Variants in MC2R observed in about 807,000 individuals in gnomAD.
The protein encoded by MC2R is melanocortin 2 receptor.
In MC2R, 9 loss-of-function variants were observed where a neutral mutation model predicts 9.8. That is an observed-to-expected ratio of 0.92 (90% CI 0.55 to 1.60). The LOEUF (loss-of-function observed/expected upper bound fraction) is 1.60. Ranked by LOEUF, MC2R falls within the 40% of genes most tolerant of loss-of-function variation. The pLI, the probability that MC2R is intolerant of heterozygous loss-of-function variation, is 0.00. For synonymous variants in MC2R, 185 were observed against 154.7 expected (o/e 1.20, Z -1.45); for missense variants, 370 against 389.0 (o/e 0.95, Z 0.41).
chr18:13,885,871 A>T (rs1033257868), intron 1 of MC2R, among the ~76,000 whole-genome samples: 4 of 152,270 alleles, frequency 2.6e-5, no homozygotes, highest in Non-Finnish European at 4.4e-5. Flanking sequence ...AATGTGGTAC[A>T]TATACACAAT....
chr18:13,893,825 G>T (rs1454529915), intron 1 of MC2R, among the ~76,000 whole-genome samples: 1 of 152,220 alleles, frequency 6.6e-6, no homozygotes, highest in East Asian at 1.9e-4. Context: ...GGCTGAGTCT[G>T]CAGATATTCA....
At position 13,883,604 on chromosome 18, in the gene MC2R, C is replaced by T. The variant is rs1468826499; in HGVS notation, c.*1021G>A. 9.8e-6 allele frequency: 1 copy of T among 102,442 alleles called. No individual in the cohort carries two copies. Among genetic ancestry groups the T allele is most frequent in the Non-Finnish European group, 2.0e-5 (1 of 51,150 alleles). The allele number at this position is 102,442 out of a possible 1,614,324, so 6.3% of individuals were successfully genotyped here. On this transcript the variant is annotated 3_prime_UTR_variant, in exon 2 of 2. Transcript: ENST00000327606. ...ACACACACACACACACACACACACA[C>T]ACACACACACACACACACACACACT...
At chr18:13,895,680 G>A (rs2045341835) in intron 1 of MC2R, among the ~76,000 whole-genome samples, 1 of 152,234 alleles carries the variant, frequency 6.6e-6, no homozygotes, top group South Asian at 2.1e-4. Flanking sequence ...TCTACCTCCA[G>A]GAAGGGTGGG....
Position 13,909,228 on chromosome 18 carries a change from A to G in MC2R, c.-129+6260T>C, listed in dbSNP as rs533377271. ...GCCACAATTGTGTGACATTTTTCTC[A>G]TGATTAGACTGGGGTTATGGACCTT... On this transcript the variant is annotated intron_variant, in intron 1 of 1. Transcript: ENST00000327606. Among the ~76,000 whole-genome samples the G allele has an allele frequency of 1.4e-4, 22 of 152,312 alleles. No homozygotes were observed. The South Asian group carries it at 4.4e-3, about 30-fold the overall frequency.
At chr18:13,907,658 G>A (rs1421762716) in intron 1 of MC2R, among the ~76,000 whole-genome samples, 1 of 152,132 alleles carries the variant, frequency 6.6e-6, no homozygotes, top group Non-Finnish European at 1.5e-5. Context: ...TACATAAGGA[G>A]CTCAAACAAC....
At chr18:13,911,119 C>T (rs754515) in intron 1 of MC2R, among the ~76,000 whole-genome samples, 2 of 152,122 alleles carry the variant, frequency 1.3e-5, no homozygotes, top group Non-Finnish European at 2.9e-5. Context: ...CCCAGAGCTG[C>T]GGTGATTGCT....
At chr18:13,907,897 G>A (rs879662776) in intron 1 of MC2R, among the ~76,000 whole-genome samples, 3 of 152,150 alleles carry the variant, frequency 2.0e-5, no homozygotes, top group Non-Finnish European at 2.9e-5. Flanking sequence ...TGGTGAGGAT[G>A]TGGAGAAAGA....
chr18:13,882,941 C>T lies in MC2R; in HGVS notation c.*1684G>A, dbSNP rs2149133939. Reference sequence around the variant, plus strand: ...GGAAGGATTTCTACAGAACAGAGGACAAGAAGGTGCACCTTTCACCTCCAT... The same window carrying T: ...GGAAGGATTTCTACAGAACAGAGGATAAGAAGGTGCACCTTTCACCTCCAT... On this transcript the variant is annotated 3_prime_UTR_variant, in exon 2 of 2. Transcript: ENST00000327606. 1 of 152,298 alleles carries T rather than the reference C, an allele frequency of 6.6e-6. No homozygotes were observed. The highest frequency in any genetic ancestry group is 6.5e-5 in the Admixed American group (1 of 15,304). The allele number at this position is 152,298 out of a possible 1,614,324, so 9.4% of individuals were successfully genotyped here.
chr18:13,898,703 T>G (rs2045361450), intron 1 of MC2R, among the ~76,000 whole-genome samples: 1 of 152,206 alleles, frequency 6.6e-6, no homozygotes, highest in African/African-American at 2.4e-5. Flanking sequence ...TGGGAGAAAG[T>G]AAGGGACGAG....
At chr18:13,911,627 A>G (rs1326363488) in intron 1 of MC2R, among the ~76,000 whole-genome samples, 2 of 152,156 alleles carry the variant, frequency 1.3e-5, no homozygotes, top group Non-Finnish European at 2.9e-5. Flanking sequence ...CCATGAGTGC[A>G]GCGGGTAGCT....
At chr18:13,912,762 A>AC (rs1272515407) in intron 1 of MC2R, among the ~76,000 whole-genome samples, 1 of 152,156 alleles carries the variant, frequency 6.6e-6, no homozygotes, top group African/African-American at 2.4e-5. Flanking sequence ...TGTTGATCTT[A>AC]CAGAGTTATA....
intron 1 of MC2R, among the ~76,000 whole-genome samples, chr18:13,906,678 A>T (rs12454030): frequency 0.49 from 74,053 of 152,174 alleles, 18,472 homozygotes; most frequent in Middle Eastern, 0.61. Context: ...AAACAAATTC[A>T]GTAAAGTTGC....
chr18:13,885,051 C>A lies in MC2R; in HGVS notation c.468G>T (p.Thr156=). Residue 156 remains threonine (T), a synonymous_variant, in exon 2 of 2, where the codon ACG becomes ACT. Coordinates refer to ENST00000327606, the MANE Select transcript of MC2R (RefSeq NM_000529.2). ...TGGTGATGCCAGTCCCCGTGCAGAA[C>A]GTCCAGATGACCGTAAGCACCACCA... is the stretch of plus-strand genomic sequence containing the variant. ...RTVVVLTVIW[T]FCTGTGITMV... 6.2e-7 allele frequency: 1 copy of A among 1,614,184 alleles called. No homozygotes were observed. The highest frequency in any genetic ancestry group is 8.5e-7 in the Non-Finnish European group (1 of 1,180,040).
intron 1 of MC2R, among the ~76,000 whole-genome samples, chr18:13,902,614 G>A (rs1048858879): frequency 3.9e-5 from 6 of 152,008 alleles, no homozygotes; most frequent in Admixed American, 6.6e-5. Flanking sequence ...TTTAATAAAC[G>A]GTGCTCGTAA....
chr18:13,913,666 T>C (rs2045459807), intron 1 of MC2R, among the ~76,000 whole-genome samples: 1 of 152,210 alleles, frequency 6.6e-6, no homozygotes, highest in African/African-American at 2.4e-5. Flanking sequence ...TGTTCACACG[T>C]TCTCTCTCCC....
intron 1 of MC2R, among the ~76,000 whole-genome samples, chr18:13,888,614 C>T (rs888564673): frequency 2.0e-5 from 3 of 152,204 alleles, no homozygotes; most frequent in Non-Finnish European, 4.4e-5. Context: ...AGACCAGACA[C>T]AGCACCCCCT....
intron 1 of MC2R, among the ~76,000 whole-genome samples, chr18:13,912,700 T>C (rs899649315): frequency 3.3e-5 from 5 of 152,234 alleles, no homozygotes; most frequent in African/African-American, 1.2e-4. Flanking sequence ...ACTGCTTTGC[T>C]AGGGCCCAGT....
At chr18:13,912,390 C>A (rs932003991) in intron 1 of MC2R, among the ~76,000 whole-genome samples, 2 of 152,026 alleles carry the variant, frequency 1.3e-5, no homozygotes, top group Non-Finnish European at 2.9e-5. Flanking sequence ...GGTCTGTGCT[C>A]GCTTGGTTAT....
At chr18:13,890,322 C>T (rs1469736686) in intron 1 of MC2R, among the ~76,000 whole-genome samples, 3 of 152,258 alleles carry the variant, frequency 2.0e-5, no homozygotes, top group African/African-American at 4.8e-5. Context: ...AACACTGTGC[C>T]GCTTTCCTCT....
Sources: allele counts gnomAD v4.1 joint callset (sites outside exome capture counted in the v4.1 genomes callset), GRCh38; gene constraint gnomAD v4.1.1; transcripts MANE v1.5; gene names NCBI Gene and HGNC (gene_info 2026-07-23, HGNC 2026-07-21).